DRAM1: variants seen among roughly 807,000 people sequenced by gnomAD.
DRAM1 encodes DNA damage regulated autophagy modulator 1.
In DRAM1, 25 loss-of-function variants were observed where a neutral mutation model predicts 28.5. That is an observed-to-expected ratio of 0.88 (90% CI 0.64 to 1.23). The LOEUF (loss-of-function observed/expected upper bound fraction) is 1.23. Ranked by LOEUF, DRAM1 falls within the 50% of genes most tolerant of loss-of-function variation. The pLI is 0.00. For synonymous variants in DRAM1, 113 were observed against 114.2 expected, an observed-to-expected ratio of 0.99 and a Z score of 0.07; for missense variants, 249 against 299.2, an observed-to-expected ratio of 0.83 and a Z score of 1.24.
rs750995412 is a variant in DRAM1 at position 101,914,207 on chromosome 12, A to G, written c.554A>G (p.Lys185Arg). The change falls in exon 5 of 7, where the codon AAG (lysine) becomes AGG (arginine). Residue 185 changes from lysine (K) to arginine (R), a missense_variant. Transcript: ENST00000258534. The stretch of plus-strand genomic sequence containing the variant: ...TGTGCTTCACTAATTTCCATAACCA[A>G]GCTGGAGTGGAATCCAAGAGAAAAG... The part of the protein sequence containing the change: ...IVCASLISIT[K>R]LEWNPREKDY... The G allele has an allele frequency of 6.2e-7, 1 of 1,609,234 alleles. No individual in the cohort carries two copies. The highest frequency in any genetic ancestry group is 8.5e-7 in the Non-Finnish European group (1 of 1,178,712).
chr12:101,879,991 G>A (rs145219968), intron 1 of DRAM1, among the ~76,000 whole-genome samples: 13,435 of 134,040 alleles, frequency 0.1, 745 homozygotes, highest in Middle Eastern at 0.2. Flanking sequence ...CTCCATCTCA[G>A]AAAAAAAAAA....
intron 1 of DRAM1, among the ~76,000 whole-genome samples, chr12:101,893,197 G>A (rs1044525764): frequency 9.9e-5 from 15 of 152,208 alleles, no homozygotes; most frequent in Non-Finnish European, 1.6e-4. Flanking sequence ...TCATCACCAT[G>A]CTGGTTCATT....
At chr12:101,905,254 C>CTTAT (rs1004393159) in intron 3 of DRAM1, among the ~76,000 whole-genome samples, 7 of 152,094 alleles carry the variant, frequency 4.6e-5, no homozygotes, top group South Asian at 4.2e-4. Context: ...TGTTAGGAAT[C>CTTAT]TTATTTATTT....
chr12:101,895,196 T>TTTTTGTTTTTTTTTTTTTTTG (rs1399911949), intron 1 of DRAM1, among the ~76,000 whole-genome samples: 6 of 127,778 alleles, frequency 4.7e-5, no homozygotes, highest in Admixed American at 7.4e-5. Context: ...GTTTTTTTTT[T>TTTTTGTTTTTTTTTTTTTTTG]TTTTTTTTTT....
At chr12:101,910,350 G>C (rs1174079640) in intron 4 of DRAM1, among the ~76,000 whole-genome samples, 1 of 152,118 alleles carries the variant, frequency 6.6e-6, no homozygotes. Context: ...AAAGTTTCTT[G>C]ATGCAGGAAA....
At chr12:101,879,948 G>T (rs1456858495) in intron 1 of DRAM1, among the ~76,000 whole-genome samples, 3 of 151,138 alleles carry the variant, frequency 2.0e-5, no homozygotes, top group Non-Finnish European at 1.5e-5. Context: ...CCGAGACAGA[G>T]CTACTGCACT....
chr12:101,878,360 C>A (rs1425076175), intron 1 of DRAM1, among the ~76,000 whole-genome samples: 2 of 152,188 alleles, frequency 1.3e-5, no homozygotes, highest in African/African-American at 4.8e-5. Flanking sequence ...ATTATTCCCG[C>A]AAGCGAGCGG....
At chr12:101,902,438 C>CA (rs1873640965) in intron 3 of DRAM1, among the ~76,000 whole-genome samples, 1 of 152,096 alleles carries the variant, frequency 6.6e-6, no homozygotes, top group Non-Finnish European at 1.5e-5. Context: ...ATATCTGTGA[C>CA]AAAAAAACCA....
intron 1 of DRAM1, among the ~76,000 whole-genome samples, chr12:101,880,346 G>T (rs534920687): frequency 5.0e-5 from 7 of 139,386 alleles, no homozygotes; most frequent in African/African-American, 8.2e-5. Flanking sequence ...GGAGTGCAAT[G>T]GTGCAATCTC....
At chr12:101,902,084 A>G (rs1485774647) in intron 3 of DRAM1, among the ~76,000 whole-genome samples, 2 of 152,150 alleles carry the variant, frequency 1.3e-5, no homozygotes, top group African/African-American at 2.4e-5. Flanking sequence ...GTGTTTACCA[A>G]TTCTACCATT....
chr12:101,908,942 T>G (rs1237767253), intron 4 of DRAM1, among the ~76,000 whole-genome samples: 2 of 114,096 alleles, frequency 1.8e-5, no homozygotes, highest in African/African-American at 7.2e-5. Flanking sequence ...AGTTTCCACA[T>G]TTTTTCAGAA....
At chr12:101,889,940 CAAAAA>C (rs778793274) in intron 1 of DRAM1, 577 of 244,130 alleles carry the variant, frequency 2.4e-3, no homozygotes, top group East Asian at 5.7e-3. Context: ...GACTCTGTCT[CAAAAA>C]AAAAAAAAAA....
In DRAM1 at chr12:101,921,785, T is replaced by C. The variant is rs1311890042; in HGVS notation, c.*525T>C. The stretch of plus-strand genomic sequence containing the variant: ...AAATCATAAAGATTTAGTTGATACA[T>C]TAACACTAAGATACTCTGATTTTTA... On this transcript the variant is annotated 3_prime_UTR_variant, in exon 7 of 7. Transcript: ENST00000258534. 1 of 153,492 alleles carries C rather than the reference T, an allele frequency of 6.5e-6. No individual in the cohort carries two copies. Among genetic ancestry groups the C allele is most frequent in the Non-Finnish European group, 1.4e-5 (1 of 69,098 alleles). The allele number at this position is 153,492 out of a possible 1,614,324, so 9.5% of individuals were successfully genotyped here.
At chr12:101,921,013 G>A (rs1389883721) in intron 6 of DRAM1, among the ~76,000 whole-genome samples, 2 of 152,114 alleles carry the variant, frequency 1.3e-5, no homozygotes, top group Non-Finnish European at 2.9e-5. Flanking sequence ...TTGTCCACAG[G>A]AAAAATCTTA....
intron 5 of DRAM1, among the ~76,000 whole-genome samples, chr12:101,916,594 C>A (rs1874251173): frequency 6.6e-6 from 1 of 152,160 alleles, no homozygotes; most frequent in African/African-American, 2.4e-5. Flanking sequence ...AGTAGTGGTT[C>A]ATCTAGACGC....
intron 1 of DRAM1, among the ~76,000 whole-genome samples, chr12:101,886,762 A>G (rs1021504201): frequency 2.0e-5 from 3 of 152,200 alleles, no homozygotes; most frequent in African/African-American, 7.2e-5. Flanking sequence ...TGTTCATGCC[A>G]GTTGTATTTT....
chr12:101,879,104 C>T (rs1872600935), intron 1 of DRAM1, among the ~76,000 whole-genome samples: 1 of 152,116 alleles, frequency 6.6e-6, no homozygotes, highest in African/African-American at 2.4e-5. Context: ...AAGCGATTCT[C>T]CTGCCTCAGC....
At chr12:101,905,539 C>T (rs1180209183) in intron 3 of DRAM1, among the ~76,000 whole-genome samples, 1 of 152,076 alleles carries the variant, frequency 6.6e-6, no homozygotes. Context: ...GCCTTGGCCT[C>T]CCAAAGTGAT....
chr12:101,897,869 G>C lies in DRAM1; in HGVS notation c.138G>C (p.Thr46=), dbSNP rs374011968. 5.0e-6 allele frequency: 8 copies of C among 1,609,566 alleles called. No homozygotes were observed. Among genetic ancestry groups the C allele is most frequent in the Non-Finnish European group, 6.8e-6 (8 of 1,176,676 alleles). The change falls in exon 2 of 7, where the codon ACG becomes ACC. Residue 46 remains threonine (T), a synonymous_variant. Coordinates refer to ENST00000258534, the MANE Select transcript of DRAM1 (RefSeq NM_018370.3). ...CATTTCTTCCCTTTGCCAGTGATAC[G>C]GGAACAACACCTCCAGAGAGTGGTA... The part of the protein sequence containing the change: ...VNPFLPYISD[T]GTTPPESGIF...
Sources: gnomAD v4.1 joint callset for allele counts (sites outside exome capture counted in the v4.1 genomes callset) on GRCh38, gnomAD v4.1.1 for gene constraint, MANE v1.5 for transcripts, NCBI Gene and HGNC (gene_info 2026-07-23, HGNC 2026-07-21) for gene names.